The following BTBD9 variants were observed in gnomAD, a reference collection of about 807,000 sequenced individuals.
The protein encoded by BTBD9 is BTB domain containing 9.
Under a neutral mutation model 64.3 loss-of-function variants are expected in BTBD9, and 49 were observed. The ratio of observed to expected loss-of-function variants is 0.76; its 90% CI spans 0.61 to 0.97. The LOEUF (loss-of-function observed/expected upper bound fraction) is 0.97, where lower values mean the gene tolerates loss of function less well. BTBD9 is among the 50% of genes least tolerant of loss of function. The probability of loss-of-function intolerance (pLI) is 0.00; values close to 1 mark genes in which losing one functional copy is unlikely to be tolerated. For missense variants in BTBD9, 598 were observed against 762.1 expected (o/e 0.78, Z 2.53); for synonymous variants, 260 against 274.7 (o/e 0.95, Z 0.53).
chr6:38,512,302 A>G (rs1229383648), intron 6 of BTBD9, among the ~76,000 whole-genome samples: 1 of 152,212 alleles, frequency 6.6e-6, no homozygotes, highest in Non-Finnish European at 1.5e-5. Flanking sequence ...GGAAAGGGAT[A>G]CTACAGTTTG....
rs10647439 is a variant in BTBD9, at chr6:38,436,372, A to ATTTTTTT, written c.1155-91286_1155-91280dup. On this transcript the variant is annotated intron_variant, in intron 6 of 10. Transcript: ENST00000481247. Reference sequence around the variant, plus strand: ...AAGCAATAATATCTACCCCAATTCTATTTTTTTTTTTTTTTTTTTTGAGAC... The same window carrying ATTTTTTT: ...AAGCAATAATATCTACCCCAATTCTATTTTTTTTTTTTTTTTTTTTTTTTTTTGAGAC... 2.5e-4 allele frequency among the ~76,000 whole-genome samples: 30 copies of ATTTTTTT among 118,312 alleles called. 1 individual carries two copies. The highest frequency in any genetic ancestry group is 4.5e-3 in the Middle Eastern group (1 of 220). 77.6% of individuals were successfully genotyped at this position (118,312 alleles called of 152,430 possible).
chr6:38,280,825 T>C (rs1361644577), intron 8 of BTBD9, among the ~76,000 whole-genome samples: 2 of 152,186 alleles, frequency 1.3e-5, no homozygotes, highest in African/African-American at 4.8e-5. Flanking sequence ...ACTGAGCAAA[T>C]ATGATGTCCA....
chr6:38,584,490 AGCT>A (rs1376440810), intron 4 of BTBD9, among the ~76,000 whole-genome samples: 1 of 152,214 alleles, frequency 6.6e-6, no homozygotes, highest in Non-Finnish European at 1.5e-5. Context: ...ATGTACCCCT[AGCT>A]ACACAGTGCC....
At chr6:38,524,586 T>C (rs1440112379) in intron 6 of BTBD9, among the ~76,000 whole-genome samples, 2 of 152,182 alleles carry the variant, frequency 1.3e-5, no homozygotes, top group Non-Finnish European at 2.9e-5. Flanking sequence ...AAGTCCAACA[T>C]TATGAGTCTT....
intron 8 of BTBD9, among the ~76,000 whole-genome samples, chr6:38,257,063 C>CTT (rs745545678): frequency 1.2e-4 from 13 of 111,358 alleles, no homozygotes; most frequent in East Asian, 1.0e-3. Context: ...TTGCACACTT[C>CTT]TTTTTTTTTT....
At chr6:38,268,138 C>T (rs1447137959) in intron 8 of BTBD9, among the ~76,000 whole-genome samples, 1 of 152,192 alleles carries the variant, frequency 6.6e-6, no homozygotes, top group East Asian at 1.9e-4. Context: ...CCAGCCAGTA[C>T]TTCACCCCTA....
chr6:38,479,361 G>T (rs1771028281), intron 6 of BTBD9, among the ~76,000 whole-genome samples: 1 of 151,018 alleles, frequency 6.6e-6, no homozygotes, highest in Non-Finnish European at 1.5e-5. Flanking sequence ...GGAAAAAATT[G>T]AAAGATAGAA....
At chr6:38,585,943 C>CACACAG (rs1776501342) in intron 4 of BTBD9, among the ~76,000 whole-genome samples, 2 of 126,542 alleles carry the variant, frequency 1.6e-5, no homozygotes. Context: ...ACAGACCACA[C>CACACAG]ACACACACAC....
chr6:38,372,842 GC>G (rs752006389), intron 6 of BTBD9, among the ~76,000 whole-genome samples: 5 of 152,154 alleles, frequency 3.3e-5, no homozygotes, highest in Non-Finnish European at 7.3e-5. Flanking sequence ...TCTTATATGT[GC>G]CATGAACATG....
Position 38,555,501 on chromosome 6 carries a change from C to T in BTBD9, c.1154+22099G>A, listed in dbSNP as rs914765395. Among the ~76,000 whole-genome samples the T allele has an allele frequency of 2.0e-5, 3 of 152,214 alleles. No individual in the cohort carries two copies. The South Asian group carries it at 6.2e-4, about 32-fold the overall frequency. On this transcript the variant is annotated intron_variant, in intron 6 of 10. Transcript: ENST00000481247. Reference sequence around the variant, plus strand: ...ATATTTAATCTTCTACTTAACAAAACGTATGTAATAAATGCAACTATGTGC... The same window carrying T: ...ATATTTAATCTTCTACTTAACAAAATGTATGTAATAAATGCAACTATGTGC...
chr6:38,173,327 A>C lies in BTBD9; in HGVS notation c.*1658T>G, dbSNP rs1766871213. The C allele has an allele frequency of 6.6e-6, 1 of 152,182 alleles. No individual in the cohort carries two copies. The highest frequency in any genetic ancestry group is 2.4e-5 in the African/African-American group (1 of 41,434). The allele number at this position is 152,182 out of a possible 1,614,324, so 9.4% of individuals were successfully genotyped here. On this transcript the variant is annotated 3_prime_UTR_variant, in exon 11 of 11. Coordinates refer to ENST00000481247, the MANE Select transcript of BTBD9 (RefSeq NM_001099272.2). Reference sequence around the variant, plus strand: ...TCCCAGGAGTGTTCCACTCTCCCACACAACAGGGAAGTGGCAGAGATCAGA... The same window carrying C: ...TCCCAGGAGTGTTCCACTCTCCCACCCAACAGGGAAGTGGCAGAGATCAGA...
At chr6:38,301,027 A>G (rs1429076173) in intron 7 of BTBD9, among the ~76,000 whole-genome samples, 3 of 152,228 alleles carry the variant, frequency 2.0e-5, no homozygotes, top group Non-Finnish European at 4.4e-5. Flanking sequence ...ATTTTGAGAT[A>G]CGTCCCATCG....
chr6:38,232,842 A>G (rs1763658688), intron 9 of BTBD9, among the ~76,000 whole-genome samples: 1 of 152,078 alleles, frequency 6.6e-6, no homozygotes, highest in African/African-American at 2.4e-5. Flanking sequence ...GATTAGTAAC[A>G]CATAAGAGGC....
At chr6:38,365,108 A>G (rs1765135129) in intron 6 of BTBD9, among the ~76,000 whole-genome samples, 1 of 152,196 alleles carries the variant, frequency 6.6e-6, no homozygotes, top group African/African-American at 2.4e-5. Context: ...AATATTTATG[A>G]CAAGTTTTAA....
chr6:38,359,405 T>C (rs1764865805), intron 6 of BTBD9, among the ~76,000 whole-genome samples: 1 of 152,226 alleles, frequency 6.6e-6, no homozygotes, highest in African/African-American at 2.4e-5. Context: ...TGCTTGACTC[T>C]CAGCAGAAAG....
chr6:38,409,672 A>C (rs1180141260), intron 6 of BTBD9, among the ~76,000 whole-genome samples: 1 of 152,024 alleles, frequency 6.6e-6, no homozygotes, highest in African/African-American at 2.4e-5. Context: ...AAAATAAAAA[A>C]AATTAGCCAA....
intron 10 of BTBD9, among the ~76,000 whole-genome samples, chr6:38,189,875 T>C (rs889015747): frequency 6.6e-6 from 1 of 152,056 alleles, no homozygotes; most frequent in African/African-American, 2.4e-5. Context: ...GGTTTTACCA[T>C]GTTAGCCAGG....
At chr6:38,354,054 A>G (rs1421312933) in intron 6 of BTBD9, among the ~76,000 whole-genome samples, 2 of 152,186 alleles carry the variant, frequency 1.3e-5, no homozygotes, top group African/African-American at 2.4e-5. Context: ...AGGCAAAAGA[A>G]GGAAAAAGAA....
chr6:38,511,568 C>T (rs1013106435), intron 6 of BTBD9, among the ~76,000 whole-genome samples: 13 of 151,706 alleles, frequency 8.6e-5, no homozygotes, highest in African/African-American at 3.1e-4. Context: ...GTCTCGAACT[C>T]CTGAGCTCAA....
Sources: allele counts gnomAD v4.1 joint callset (sites outside exome capture counted in the v4.1 genomes callset), GRCh38; gene constraint gnomAD v4.1.1; transcripts MANE v1.5; gene names NCBI Gene and HGNC (gene_info 2026-07-23, HGNC 2026-07-21).